SLC9A9: variants seen among roughly 807,000 people sequenced by gnomAD.
The protein encoded by SLC9A9 is sodium/hydrogen exchanger 9.
A neutral mutation model predicts 77.8 loss-of-function variants in SLC9A9; 62 were observed. The observed-to-expected ratio is 0.80, with a 90% CI of 0.65 to 0.98. The LOEUF is 0.98. Ranked by LOEUF, SLC9A9 falls within the 50% of genes least tolerant of loss-of-function variation. The probability of loss-of-function intolerance (pLI) is 0.00; values close to 1 mark genes in which losing one functional copy is unlikely to be tolerated. For missense variants in SLC9A9, 775 were observed against 774.9 expected (o/e 1.00, Z 0.00); for synonymous variants, 320 against 283.5 (o/e 1.13, Z -1.29).
intron 4 of SLC9A9, among the ~76,000 whole-genome samples, chr3:143,715,362 T>C (rs1280072695): frequency 6.6e-6 from 1 of 152,032 alleles, no homozygotes; most frequent in Non-Finnish European, 1.5e-5. Context: ...ATTTCACTCT[T>C]ACTAGCCCTG....
chr3:143,330,105 G>GTGA (rs2031722507), intron 14 of SLC9A9, among the ~76,000 whole-genome samples: 1 of 152,230 alleles, frequency 6.6e-6, no homozygotes, highest in African/African-American at 2.4e-5. Flanking sequence ...AGATGGTGAG[G>GTGA]TGAGGAAAGC....
chr3:143,591,030 G>A (rs2037636687), intron 6 of SLC9A9, among the ~76,000 whole-genome samples: 1 of 152,150 alleles, frequency 6.6e-6, no homozygotes, highest in Non-Finnish European at 1.5e-5. Context: ...CTTAATCTGG[G>A]TGCCTTTCAT....
At position 143,477,313 on chromosome 3, in the gene SLC9A9, C is replaced by A. The variant is rs141043746; in HGVS notation, c.1316-10123G>T. Among the ~76,000 whole-genome samples the A allele has an allele frequency of 1.2e-3, 184 of 150,226 alleles. 1 individual carries two copies. The highest frequency in any genetic ancestry group is 4.2e-3 in the African/African-American group (174 of 41,050). ...CCAAACATAAGCTATATCAAAATCA[C>A]CTGAAGGGCTTCTTCAATTTTTTTT... On this transcript the variant is annotated intron_variant, in intron 11 of 15. Coordinates refer to ENST00000316549, the MANE Select transcript of SLC9A9 (RefSeq NM_173653.4).
chr3:143,528,916 TA>T (rs2036456268), intron 9 of SLC9A9, among the ~76,000 whole-genome samples: 1 of 152,180 alleles, frequency 6.6e-6, no homozygotes, highest in African/African-American at 2.4e-5. Flanking sequence ...TCATGACTTA[TA>T]AGTTAAGAGG....
chr3:143,301,653 C>A (rs2030522649), intron 14 of SLC9A9, among the ~76,000 whole-genome samples: 1 of 152,148 alleles, frequency 6.6e-6, no homozygotes, highest in South Asian at 2.1e-4. Context: ...TCTAGTGGAG[C>A]CCACAGTGAC....
At chr3:143,709,637 C>A (rs1466872020) in intron 4 of SLC9A9, among the ~76,000 whole-genome samples, 5 of 152,146 alleles carry the variant, frequency 3.3e-5, no homozygotes, top group African/African-American at 4.8e-5. Flanking sequence ...GATAGATAAG[C>A]ACTAAATACC....
intron 9 of SLC9A9, chr3:143,503,617 G>T (rs1488941289): frequency 1.1e-5 from 5 of 449,320 alleles, no homozygotes; most frequent in Admixed American, 7.0e-5. Context: ...GCTCAGGGAT[G>T]ACCTTGCCCA....
intron 14 of SLC9A9, among the ~76,000 whole-genome samples, chr3:143,299,693 T>G (rs976912816): frequency 2.6e-5 from 4 of 152,322 alleles, no homozygotes; most frequent in South Asian, 2.1e-4. Flanking sequence ...TCCGCCTGCC[T>G]TGGCCTCCCA....
intron 4 of SLC9A9, among the ~76,000 whole-genome samples, chr3:143,701,113 G>A (rs1304817458): frequency 1.3e-5 from 2 of 152,210 alleles, no homozygotes; most frequent in African/African-American, 4.8e-5. Context: ...GGGTGCCCCT[G>A]ATGCAGATAT....
chr3:143,668,731 A>G (rs1399853645), intron 5 of SLC9A9, among the ~76,000 whole-genome samples: 1 of 152,224 alleles, frequency 6.6e-6, no homozygotes, highest in Non-Finnish European at 1.5e-5. Context: ...GTCACCCACC[A>G]TGTGGTTAGC....
At chr3:143,391,933 A>G (rs2033576141) in intron 12 of SLC9A9, among the ~76,000 whole-genome samples, 1 of 152,248 alleles carries the variant, frequency 6.6e-6, no homozygotes, top group African/African-American at 2.4e-5. Flanking sequence ...CAAAGCCTCC[A>G]AGAAATATGG....
intron 6 of SLC9A9, among the ~76,000 whole-genome samples, chr3:143,644,027 T>C (rs1228816104): frequency 6.6e-6 from 1 of 151,010 alleles, no homozygotes; most frequent in East Asian, 1.9e-4. Flanking sequence ...TCTCCTGCTT[T>C]CTAGAGTAAG....
intron 2 of SLC9A9, among the ~76,000 whole-genome samples, chr3:143,824,870 T>C (rs988564275): frequency 5.3e-5 from 8 of 152,208 alleles, no homozygotes; most frequent in Non-Finnish European, 1.0e-4. Flanking sequence ...AACAAATTTT[T>C]AGTTTCTTTA....
chr3:143,368,770 C>T (rs2032974517), intron 13 of SLC9A9, among the ~76,000 whole-genome samples: 3 of 152,132 alleles, frequency 2.0e-5, no homozygotes, highest in Admixed American at 6.5e-5. Context: ...AAATGCATTG[C>T]CTTGACTTTC....
At chr3:143,619,454 C>T (rs1241774508) in intron 6 of SLC9A9, among the ~76,000 whole-genome samples, 2 of 152,200 alleles carry the variant, frequency 1.3e-5, no homozygotes, top group African/African-American at 2.4e-5. Flanking sequence ...CAAAAATTTA[C>T]ATTGTATACA....
chr3:143,552,261 T>G (rs2036902139), intron 9 of SLC9A9, 101 bp downstream of exon 9: 3 of 808,064 alleles, frequency 3.7e-6, no homozygotes, highest in Non-Finnish European at 5.9e-6. Context: ...CTTACATTCT[T>G]CCTTTACTAA....
At chr3:143,503,378 C>A in intron 9 of SLC9A9, 1 of 314,926 alleles carries the variant, frequency 3.2e-6, no homozygotes, top group Non-Finnish European at 6.2e-6. Context: ...GAGAGCAATG[C>A]CAGTCCCAGC....
At chr3:143,479,118 T>C (rs1231262753) in intron 11 of SLC9A9, among the ~76,000 whole-genome samples, 1 of 152,202 alleles carries the variant, frequency 6.6e-6, no homozygotes, top group Non-Finnish European at 1.5e-5. Flanking sequence ...ATCCACAAGA[T>C]CTCGCTAGTG....
At chr3:143,829,529 C>G (rs369353318) in intron 2 of SLC9A9, among the ~76,000 whole-genome samples, 1 of 152,258 alleles carries the variant, frequency 6.6e-6, no homozygotes, top group South Asian at 2.1e-4. Flanking sequence ...GTACCTATGA[C>G]AACTAGTCTG....
Sources: gnomAD v4.1 joint callset for allele counts (sites outside exome capture counted in the v4.1 genomes callset) on GRCh38, gnomAD v4.1.1 for gene constraint, MANE v1.5 for transcripts, NCBI Gene and HGNC (gene_info 2026-07-23, HGNC 2026-07-21) for gene names.